The following PXDN variants were observed in gnomAD, a reference collection of about 807,000 sequenced individuals.
PXDN encodes the protein peroxidasin, also known as peroxidasin homolog.
A neutral mutation model predicts 140.3 loss-of-function variants in PXDN; 77 were observed. The observed-to-expected ratio is 0.55, with a 90% CI of 0.46 to 0.66. The LOEUF is 0.66. Among genes scored for constraint, PXDN ranks in the 30% least tolerant of loss-of-function variants. The probability of loss-of-function intolerance (pLI) is 0.00; values close to 1 mark genes in which losing one functional copy is unlikely to be tolerated. For synonymous variants in PXDN, 911 were observed against 857.4 expected, an observed-to-expected ratio of 1.06 and a Z score of -1.09; for missense variants, 1,838 against 2,039.5, an observed-to-expected ratio of 0.90 and a Z score of 1.90.
chr2:1,644,747 TA>T lies in PXDN; in HGVS notation c.3613del (p.Tyr1205MetfsTer28). The T allele has an allele frequency of 6.5e-7, 1 of 1,526,894 alleles. No homozygotes were observed. The highest frequency in any genetic ancestry group is 8.9e-7 in the Non-Finnish European group (1 of 1,129,432). The allele number at this position is 1,526,894 out of a possible 1,614,324, so 94.6% of individuals were successfully genotyped here. A position where few individuals can be genotyped will look rare whatever the true frequency, so the allele number is the denominator to read the frequency against. ...PEIREKLKRL[Y>X]GSTLNIDLFP... ...CAGGTCGATGTTGAGTGTCGAGCCA[TA>T]CAACCTAAAAAATAAAGAGAAAACT... On this transcript the variant is annotated frameshift_variant, in exon 18 of 23. Transcript: ENST00000252804. LOFTEE classifies it high-confidence loss of function.
chr2:1,644,687 C>A lies in PXDN; in HGVS notation c.3674G>T (p.Gly1225Val). 1 of 1,604,398 alleles carries A rather than the reference C, an allele frequency of 6.2e-7. No homozygotes were observed. The change falls in exon 18 of 23, where the codon GGC (glycine) becomes GTC (valine). Residue 1225 changes from glycine to valine, a missense_variant. Physicochemically the swap from Gly to Val is moderately radical, Grantham distance 109 (BLOSUM62 -3). Coordinates refer to ENST00000252804, the MANE Select transcript of PXDN (RefSeq NM_012293.3). ...PALVVEDLVP[G>V]SRLGPTLMCL... ...CATCAGGGTGGGGCCCAGCCGGCTGCCAGGCACCAGGTCCTCCACCACGAG... is the reference window on the plus strand; with the variant it reads ...CATCAGGGTGGGGCCCAGCCGGCTGACAGGCACCAGGTCCTCCACCACGAG...
Position 1,648,609 on chromosome 2 carries a change from G to C in PXDN, c.3171C>G (p.Ile1057Met). The change falls in exon 17 of 23, where the codon ATC becomes ATG. Residue 1057 changes from isoleucine to methionine, a missense_variant. Coordinates refer to ENST00000252804, the MANE Select transcript of PXDN (RefSeq NM_012293.3). The surrounding 1 kb of genome is among the most constrained non-coding windows in gnomAD (Gnocchi z 8.9). The part of the protein sequence containing the change: ...LGEYHGYDPG[I>M]NAGIFNAFAT... ...CGAAGGCGTTGAAGATGCCAGCATTGATGCCGGGGTCGTAGCCGTGGTACT... is the reference window on the plus strand; with the variant it reads ...CGAAGGCGTTGAAGATGCCAGCATTCATGCCGGGGTCGTAGCCGTGGTACT... 1.9e-6 allele frequency: 3 copies of C among 1,611,650 alleles called. No individual in the cohort carries two copies. The highest frequency in any genetic ancestry group is 2.5e-6 in the Non-Finnish European group (3 of 1,179,386).
rs190463456 is a variant in PXDN, at chr2:1,643,287, C to T, written c.3952+81G>A. The T allele has an allele frequency of 3.2e-4, 421 of 1,331,574 alleles. 2 individuals are homozygous for T. In the Admixed American group the frequency reaches 6.4e-3, roughly 20 times the overall value. 82.5% of individuals were successfully genotyped at this position (1,331,574 alleles called of 1,614,324 possible). A position where few individuals can be genotyped will look rare whatever the true frequency, so the allele number is the denominator to read the frequency against. On this transcript the variant is annotated intron_variant, in intron 19 of 22. Coordinates refer to ENST00000252804, the MANE Select transcript of PXDN (RefSeq NM_012293.3). ...TCAGTTTTCAAGATTAGGATGACAT[C>T]TGCAGGTCATTAAGCACCCGCCAAG... is the stretch of plus-strand genomic sequence containing the variant.
intron 1 of PXDN, among the ~76,000 whole-genome samples, chr2:1,734,908 T>C (rs1200410332): frequency 6.6e-6 from 1 of 151,638 alleles, no homozygotes; most frequent in Non-Finnish European, 1.5e-5. Context: ...CATTTGCCTA[T>C]CCTATAAAAA....
At chr2:1,637,374 C>G (rs570747561) in intron 21 of PXDN, among the ~76,000 whole-genome samples, 1 of 151,632 alleles carries the variant, frequency 6.6e-6, no homozygotes, top group South Asian at 2.1e-4. Context: ...CTCTAGGCTG[C>G]GGAGGGAGGA....
At chr2:1,718,061 C>A (rs1157392709) in intron 1 of PXDN, among the ~76,000 whole-genome samples, 1 of 151,944 alleles carries the variant, frequency 6.6e-6, no homozygotes, top group Non-Finnish European at 1.5e-5. Context: ...CCCAAACCTG[C>A]TCTACTAACC....
chr2:1,642,006 A>T (rs545740909), intron 19 of PXDN, among the ~76,000 whole-genome samples: 21 of 152,368 alleles, frequency 1.4e-4, no homozygotes, highest in Non-Finnish European at 2.6e-4. Flanking sequence ...ACAAAAACAA[A>T]ACAAAACAAT....
At chr2:1,672,568 C>T (rs1390270253) in intron 9 of PXDN, among the ~76,000 whole-genome samples, 3 of 152,226 alleles carry the variant, frequency 2.0e-5, no homozygotes, top group Non-Finnish European at 1.5e-5. Context: ...TTGTGCTAAA[C>T]ATGTGGAACG....
chr2:1,677,597 T>C (rs1319861157), intron 7 of PXDN, among the ~76,000 whole-genome samples: 1 of 152,112 alleles, frequency 6.6e-6, no homozygotes, highest in Non-Finnish European at 1.5e-5. Context: ...TGACTCCACA[T>C]GGCTTCCGAG....
chr2:1,672,135 G>A (rs1220048984), intron 9 of PXDN: 2 of 152,290 alleles, frequency 1.3e-5, no homozygotes, highest in Non-Finnish European at 2.9e-5. Context: ...CCATGCTGCA[G>A]TGACTCCCTG....
chr2:1,653,906 T>C (rs1218355785), intron 15 of PXDN, 121 bp from the exon 16 acceptor site: 3 of 1,214,674 alleles, frequency 2.5e-6, no homozygotes, highest in South Asian at 1.7e-5. Context: ...TACAACATAA[T>C]GTACTATACC....
At chr2:1,743,541 G>T (rs1482993824) in intron 1 of PXDN, among the ~76,000 whole-genome samples, 1 of 149,478 alleles carries the variant, frequency 6.7e-6, no homozygotes, top group Non-Finnish European at 1.5e-5. Context: ...TGCGGGAACT[G>T]AGGCTCCTCT....
rs1171830675 is a variant in PXDN at position 1,639,265 on chromosome 2, C to T, written c.4073+37G>A. 1 of 1,595,866 alleles carries T rather than the reference C, an allele frequency of 6.3e-7. No individual in the cohort carries two copies. The highest frequency in any genetic ancestry group is 1.8e-5 in the Admixed American group (1 of 56,690). On this transcript the variant is annotated intron_variant, in intron 20 of 22. Transcript: ENST00000252804. This position sits in a 1 kb window ranked among gnomAD's most constrained non-coding sequence, Gnocchi z 5.0. ...TGCCCGACGCCCGCGGTGCGAGGGC[C>T]CCTCTGCACATCATTTGACCTCAGA...
In PXDN at chr2:1,718,178, ACGCAAACC is replaced by A. The variant is rs1238971480; in HGVS notation, c.201-25052_201-25045del. 1.9e-3 allele frequency among the ~76,000 whole-genome samples: 294 copies of A among 150,842 alleles called. 2 individuals are homozygous for A. Among genetic ancestry groups the A allele is most frequent in the African/African-American group, 6.9e-3 (281 of 40,902 alleles). The stretch of plus-strand genomic sequence containing the variant: ...CCCAAAGCTACTCTACTAACCTACT[ACGCAAACC>A]TACTCTACTCACCTATTCCACTAAC... On this transcript the variant is annotated intron_variant, in intron 1 of 22. Coordinates refer to ENST00000252804, the MANE Select transcript of PXDN (RefSeq NM_012293.3).
intron 9 of PXDN, among the ~76,000 whole-genome samples, chr2:1,673,307 G>C (rs1683619012): frequency 6.6e-6 from 1 of 152,128 alleles, no homozygotes; most frequent in Non-Finnish European, 1.5e-5. Flanking sequence ...CTGTGGCTGA[G>C]TAGCTGTCCC....
At chr2:1,654,358 C>T in intron 15 of PXDN, 42 bp downstream of exon 15, 1 of 1,413,850 alleles carries the variant, frequency 7.1e-7, no homozygotes, top group Non-Finnish European at 1.0e-6. Flanking sequence ...CACCCTAAAG[C>T]TCAGTGATTT....
At chr2:1,743,648 G>T (rs1685602626) in intron 1 of PXDN, among the ~76,000 whole-genome samples, 1 of 145,076 alleles carries the variant, frequency 6.9e-6, no homozygotes, top group Non-Finnish European at 1.5e-5. Flanking sequence ...AGAAGGAAGG[G>T]GGGGAGGAGG....
At chr2:1,680,729 C>G (rs920551382) in intron 6 of PXDN, among the ~76,000 whole-genome samples, 1 of 152,208 alleles carries the variant, frequency 6.6e-6, no homozygotes, top group Admixed American at 6.5e-5. Context: ...GTGGGAGCCA[C>G]TCACAGAAAT....
intron 9 of PXDN, among the ~76,000 whole-genome samples, chr2:1,673,159 A>C (rs1440458708): frequency 6.6e-6 from 1 of 152,262 alleles, no homozygotes; most frequent in African/African-American, 2.4e-5. Flanking sequence ...CGGCTGAGAC[A>C]GTTTTTAAAT....
Sources: allele counts gnomAD v4.1 joint callset (sites outside exome capture counted in the v4.1 genomes callset), GRCh38; gene constraint gnomAD v4.1.1; non-coding constraint Gnocchi (gnomAD v3.1); transcripts MANE v1.5; gene names NCBI Gene and HGNC (gene_info 2026-07-23, HGNC 2026-07-21).